WDR70: variants seen among roughly 807,000 people sequenced by gnomAD.
WDR70 encodes WD repeat-containing protein 70.
A neutral mutation model predicts 88.6 loss-of-function variants in WDR70; 53 were observed. The ratio of observed to expected loss-of-function variants is 0.60; its 90% CI spans 0.48 to 0.75. The LOEUF (loss-of-function observed/expected upper bound fraction) is 0.75. Among genes scored for constraint, WDR70 ranks in the 30% least tolerant of loss-of-function variants. The pLI is 0.00. For synonymous variants in WDR70, 280 were observed against 270.0 expected (o/e 1.04, Z -0.36); for missense variants, 610 against 823.2 (o/e 0.74, Z 3.17).
At chr5:37,426,549 G>A (rs751283753) in intron 5 of WDR70, among the ~76,000 whole-genome samples, 7 of 152,104 alleles carry the variant, frequency 4.6e-5, no homozygotes, top group Non-Finnish European at 8.8e-5. Flanking sequence ...TGTTCACCAC[G>A]GCCTTACTTA....
intron 11 of WDR70, chr5:37,700,206 G>A (rs1168190536): frequency 6.6e-6 from 1 of 152,154 alleles, no homozygotes; most frequent in East Asian, 1.9e-4. Flanking sequence ...GTTGAGGCAG[G>A]TCTCAGCTGT....
intron 9 of WDR70, among the ~76,000 whole-genome samples, chr5:37,541,067 A>T (rs1480936473): frequency 1.3e-5 from 2 of 152,182 alleles, no homozygotes; most frequent in African/African-American, 4.8e-5. Flanking sequence ...CAGAAATTTT[A>T]AAAAAGAGTC....
intron 10 of WDR70, among the ~76,000 whole-genome samples, chr5:37,620,783 G>A (rs1744486391): frequency 6.6e-6 from 1 of 152,148 alleles, no homozygotes; most frequent in South Asian, 2.1e-4. Context: ...AGATAGGCAA[G>A]GCTAATATTA....
At chr5:37,554,089 T>C (rs371940533) in intron 9 of WDR70, among the ~76,000 whole-genome samples, 3 of 152,004 alleles carry the variant, frequency 2.0e-5, no homozygotes, top group East Asian at 1.9e-4. Context: ...AACTTTGCCA[T>C]TGATTTAGTG....
At chr5:37,659,236 T>G (rs1008676055) in intron 10 of WDR70, among the ~76,000 whole-genome samples, 2 of 152,258 alleles carry the variant, frequency 1.3e-5, no homozygotes, top group Non-Finnish European at 2.9e-5. Flanking sequence ...AGATTAATAC[T>G]TCCTAGCAAC....
In WDR70 at chr5:37,435,937, T is replaced by C. The variant is rs562344542; in HGVS notation, c.493-1985T>C. On this transcript the variant is annotated intron_variant, in intron 5 of 17. Transcript: ENST00000265107. Reference sequence around the variant, plus strand: ...GGGATCCAGAGATGATAAATAGATATAGTCTTTGAGAAGCTTATATTTTGC... The same window carrying C: ...GGGATCCAGAGATGATAAATAGATACAGTCTTTGAGAAGCTTATATTTTGC... 2.6e-5 allele frequency among the ~76,000 whole-genome samples: 4 copies of C among 152,202 alleles called. No homozygotes were observed. In the East Asian group the frequency reaches 5.8e-4, roughly 22 times the overall value.
intron 9 of WDR70, among the ~76,000 whole-genome samples, chr5:37,562,281 G>C (rs767176796): frequency 1.3e-5 from 2 of 152,028 alleles, no homozygotes; most frequent in African/African-American, 4.8e-5. Context: ...TGCTTGAACC[G>C]GGAGGCAGAG....
intron 13 of WDR70, among the ~76,000 whole-genome samples, chr5:37,715,912 A>G (rs1327925290): frequency 6.6e-6 from 1 of 152,060 alleles, no homozygotes; most frequent in Non-Finnish European, 1.5e-5. Flanking sequence ...CTGCACACAC[A>G]AACACACACA....
At chr5:37,451,946 A>G (rs903664781) in intron 7 of WDR70, among the ~76,000 whole-genome samples, 1 of 152,164 alleles carries the variant, frequency 6.6e-6, no homozygotes, top group African/African-American at 2.4e-5. Context: ...GTGAGCTCAG[A>G]TGGCGCCACT....
At chr5:37,469,069 T>G (rs1165732580) in intron 7 of WDR70, among the ~76,000 whole-genome samples, 1 of 152,202 alleles carries the variant, frequency 6.6e-6, no homozygotes. Flanking sequence ...ATATAATAGG[T>G]GGTGGTAAGT....
At chr5:37,643,868 C>T (rs1229705693) in intron 10 of WDR70, among the ~76,000 whole-genome samples, 1 of 151,916 alleles carries the variant, frequency 6.6e-6, no homozygotes, top group Non-Finnish European at 1.5e-5. Context: ...TGTTTATCAG[C>T]TCTAATAGGT....
intron 5 of WDR70, among the ~76,000 whole-genome samples, chr5:37,422,758 G>A (rs1581266537): frequency 6.6e-6 from 1 of 151,992 alleles, no homozygotes; most frequent in East Asian, 1.9e-4. Flanking sequence ...TGGGATTATC[G>A]GTGTAAGCCA....
intron 8 of WDR70, among the ~76,000 whole-genome samples, chr5:37,492,335 A>G (rs1312287269): frequency 1.3e-5 from 2 of 152,216 alleles, no homozygotes; most frequent in Non-Finnish European, 2.9e-5. Context: ...TCATTTGTTC[A>G]GTGTTACAGT....
chr5:37,722,611 G>C (rs958902127), intron 14 of WDR70: 5 of 494,390 alleles, frequency 1.0e-5, no homozygotes, highest in African/African-American at 3.9e-5. Context: ...CTTGTGTCCT[G>C]TTGCCCTGTT....
rs75489460 is a variant in WDR70, at chr5:37,554,108, C to CTTTT, written c.917+37533_917+37536dup. ...TTGCCATTGATTTAGTGCAATACTC[C>CTTTT]TTTTTTTTTTTTTTTTTTAAGTACG... On this transcript the variant is annotated intron_variant, in intron 9 of 17. Coordinates refer to ENST00000265107, the MANE Select transcript of WDR70 (RefSeq NM_018034.4). 4.3e-3 allele frequency among the ~76,000 whole-genome samples: 584 copies of CTTTT among 134,406 alleles called. 3 individuals carry two copies. Among genetic ancestry groups the CTTTT allele is most frequent in the African/African-American group, 0.015 (540 of 36,350 alleles). 88.2% of individuals were successfully genotyped at this position (134,406 alleles called of 152,430 possible).
At chr5:37,697,209 C>T (rs1205726711) in intron 10 of WDR70, among the ~76,000 whole-genome samples, 1 of 152,166 alleles carries the variant, frequency 6.6e-6, no homozygotes, top group African/African-American at 2.4e-5. Flanking sequence ...AGACCTCCAA[C>T]CATGTGCAGA....
At chr5:37,687,937 A>G in intron 10 of WDR70, 1 of 695,042 alleles carries the variant, frequency 1.4e-6, no homozygotes, top group Non-Finnish European at 2.6e-6. Flanking sequence ...GTCATATGGA[A>G]CTGTCTGCAT....
intron 17 of WDR70, among the ~76,000 whole-genome samples, chr5:37,732,104 G>A (rs1410728177): frequency 1.3e-5 from 2 of 152,074 alleles, no homozygotes; most frequent in Non-Finnish European, 2.9e-5. Flanking sequence ...TGGTACTAAA[G>A]GTAGACAATG....
At chr5:37,433,698 T>G (rs1251687420) in intron 5 of WDR70, among the ~76,000 whole-genome samples, 7 of 152,226 alleles carry the variant, frequency 4.6e-5, no homozygotes, top group African/African-American at 7.2e-5. Flanking sequence ...ATCATATTCA[T>G]CTAGATAACC....
Sources: allele counts gnomAD v4.1 joint callset (sites outside exome capture counted in the v4.1 genomes callset), GRCh38; gene constraint gnomAD v4.1.1; transcripts MANE v1.5; gene names NCBI Gene and HGNC (gene_info 2026-07-23, HGNC 2026-07-21).